The following DYM variants were observed in gnomAD, a reference collection of about 807,000 sequenced individuals.
DYM encodes the protein dyggve-Melchior-Clausen syndrome protein.
In DYM, 78 loss-of-function variants were observed where a neutral mutation model predicts 93.1. The observed-to-expected ratio is 0.84, with a 90% CI of 0.70 to 1.01. The LOEUF is 1.01. DYM is among the 50% of genes least tolerant of loss of function. The pLI is 0.00. For missense variants in DYM, 789 were observed against 845.0 expected, an observed-to-expected ratio of 0.93 and a Z score of 0.82; for synonymous variants, 321 against 319.7, an observed-to-expected ratio of 1.00 and a Z score of -0.04.
intron 13 of DYM, among the ~76,000 whole-genome samples, chr18:49,211,377 TA>T (rs1333825885): frequency 2.0e-5 from 3 of 152,190 alleles, no homozygotes; most frequent in Non-Finnish European, 4.4e-5. Context: ...GAAGAGAATG[TA>T]AAATCAATCT....
intron 10 of DYM, among the ~76,000 whole-genome samples, chr18:49,272,712 G>A (rs2094738346): frequency 6.6e-6 from 1 of 152,056 alleles, no homozygotes; most frequent in African/African-American, 2.4e-5. Context: ...AAGCTAGTAA[G>A]TAAAAAATAT....
rs202046562 is a variant in DYM at position 49,225,785 on chromosome 18, A to G, written c.1461-16070T>C. 3.3e-5 allele frequency among the ~76,000 whole-genome samples: 5 copies of G among 152,246 alleles called. No individual in the cohort carries two copies. The East Asian group carries it at 5.8e-4, about 18-fold the overall frequency. On this transcript the variant is annotated intron_variant, in intron 13 of 17. Coordinates refer to ENST00000675505, the MANE Select transcript of DYM (RefSeq NM_001353214.3). The stretch of plus-strand genomic sequence containing the variant: ...CTAAATTAGCCACTCATTCTGGTAT[A>G]TAAGTGCATCAATAAAGATCTAAAA...
intron 2 of DYM, among the ~76,000 whole-genome samples, chr18:49,416,326 G>A (rs191325547): frequency 9.2e-5 from 14 of 152,316 alleles, no homozygotes; most frequent in Admixed American, 7.2e-4. Context: ...AAACTAGTCA[G>A]TTGTGGAGCT....
intron 16 of DYM, among the ~76,000 whole-genome samples, chr18:49,113,605 C>T (rs1486451067): frequency 6.6e-6 from 1 of 152,186 alleles, no homozygotes; most frequent in Non-Finnish European, 1.5e-5. Context: ...GATTCGTCTC[C>T]TCCACCAACT....
intron 17 of DYM, among the ~76,000 whole-genome samples, chr18:49,072,926 T>C (rs1406021635): frequency 6.6e-6 from 1 of 152,248 alleles, no homozygotes; most frequent in Non-Finnish European, 1.5e-5. Flanking sequence ...TGGAAACATA[T>C]GCCTATTAAA....
chr18:49,456,951 G>A (rs1313972953), intron 1 of DYM, among the ~76,000 whole-genome samples: 7 of 152,208 alleles, frequency 4.6e-5, no homozygotes, highest in Admixed American at 1.3e-4. Context: ...CAGCTAAGTA[G>A]GAAAGTGAAA....
chr18:49,053,896 C>T (rs892499233), intron 17 of DYM, among the ~76,000 whole-genome samples: 5 of 152,134 alleles, frequency 3.3e-5, no homozygotes, highest in South Asian at 2.1e-4. Flanking sequence ...GAACAGGGTG[C>T]GTCAGTTAGC....
At chr18:49,110,565 C>A (rs750615545) in intron 16 of DYM, among the ~76,000 whole-genome samples, 1 of 151,948 alleles carries the variant, frequency 6.6e-6, no homozygotes, top group Non-Finnish European at 1.5e-5. Flanking sequence ...GCCAAGTAAA[C>A]TGCTGTTACT....
At chr18:49,234,402 A>C (rs924091389) in intron 13 of DYM, among the ~76,000 whole-genome samples, 29 of 152,038 alleles carry the variant, frequency 1.9e-4, no homozygotes, top group African/African-American at 7.0e-4. Context: ...GATTGCGGTG[A>C]GCCAAGATTG....
chr18:49,077,486 G>C (rs2077401612), intron 17 of DYM, among the ~76,000 whole-genome samples: 1 of 151,990 alleles, frequency 6.6e-6, no homozygotes, highest in Non-Finnish European at 1.5e-5. Flanking sequence ...GAAATGTTCT[G>C]GGAATATCAA....
intron 17 of DYM, among the ~76,000 whole-genome samples, chr18:49,071,850 T>C (rs1356171748): frequency 6.6e-6 from 1 of 152,214 alleles, no homozygotes; most frequent in Non-Finnish European, 1.5e-5. Flanking sequence ...ATGTATAGCG[T>C]CTTGTCATAG....
intron 14 of DYM, among the ~76,000 whole-genome samples, chr18:49,197,529 G>GA (rs552536967): frequency 1.2e-3 from 177 of 151,654 alleles, no homozygotes; most frequent in African/African-American, 3.9e-3. Context: ...CATGGTTCTT[G>GA]AAAAAAAGAA....
intron 6 of DYM, among the ~76,000 whole-genome samples, chr18:49,351,587 GAA>G (rs775179721): frequency 7.3e-6 from 1 of 137,380 alleles, no homozygotes; most frequent in Admixed American, 7.2e-5. Flanking sequence ...CCGAGGAAAA[GAA>G]AAAAAAAAAC....
At chr18:49,172,633 A>G (rs925412243) in intron 14 of DYM, among the ~76,000 whole-genome samples, 2 of 152,084 alleles carry the variant, frequency 1.3e-5, no homozygotes, top group Non-Finnish European at 2.9e-5. Flanking sequence ...AGTTCTTTAT[A>G]TATTCTGGAT....
rs972569234 is a variant in DYM, at chr18:49,039,100, C to T, written c.*4955G>A. On this transcript the variant is annotated 3_prime_UTR_variant, in exon 18 of 18. Transcript: ENST00000675505. ...CTTTTAAATTTTCCTTTAGGGTAGG[C>T]GTGCTGATTAATTCTTCTAGCTGTT... 5.9e-5 allele frequency among the ~76,000 whole-genome samples: 9 copies of T among 152,126 alleles called. No homozygotes were observed. The highest frequency in any genetic ancestry group is 1.2e-4 in the Non-Finnish European group (8 of 68,014).
At chr18:49,396,413 G>A (rs553737212) in intron 2 of DYM, among the ~76,000 whole-genome samples, 6 of 151,688 alleles carry the variant, frequency 4.0e-5, no homozygotes, top group East Asian at 3.9e-4. Context: ...TTTTTTTTCC[G>A]ATTTTGAAAT....
chr18:49,097,631 T>A, intron 16 of DYM, 116 bp from the exon 17 acceptor site: 1 of 955,840 alleles, frequency 1.0e-6, no homozygotes, highest in Non-Finnish European at 1.6e-6. Flanking sequence ...GTGACCCGGC[T>A]TTTAATTCAC....
At chr18:49,178,361 TA>T (rs1387735028) in intron 14 of DYM, among the ~76,000 whole-genome samples, 1 of 151,686 alleles carries the variant, frequency 6.6e-6, no homozygotes, top group Admixed American at 6.6e-5. Context: ...AGTACATCAG[TA>T]CATGCTCAAA....
At chr18:49,365,576 A>T (rs2066446036) in intron 5 of DYM, among the ~76,000 whole-genome samples, 1 of 152,192 alleles carries the variant, frequency 6.6e-6, no homozygotes, top group African/African-American at 2.4e-5. Flanking sequence ...ATATATACTC[A>T]ATGTACGTTT....
Sources: gnomAD v4.1 joint callset for allele counts (sites outside exome capture counted in the v4.1 genomes callset) on GRCh38, gnomAD v4.1.1 for gene constraint, MANE v1.5 for transcripts, NCBI Gene and HGNC (gene_info 2026-07-23, HGNC 2026-07-21) for gene names.